The following CFAP43 variants were observed in gnomAD, a reference collection of about 807,000 sequenced individuals.
The protein encoded by CFAP43 is cilia and flagella associated protein 43.
CFAP43 carries 155 observed loss-of-function variants against 218.9 expected under a neutral mutation model. The ratio of observed to expected loss-of-function variants is 0.71; its 90% CI spans 0.62 to 0.81. The LOEUF (loss-of-function observed/expected upper bound fraction) is 0.81. CFAP43 is among the 30% of genes least tolerant of loss of function. The pLI is 0.00. For missense variants in CFAP43, 1,778 were observed against 1,954.3 expected, an observed-to-expected ratio of 0.91 and a Z score of 1.70; for synonymous variants, 645 against 681.3, an observed-to-expected ratio of 0.95 and a Z score of 0.83.
chr10:104,160,903 A>T (rs10786785), intron 27 of CFAP43, 134 bp downstream of exon 27: 139,596 of 881,730 alleles, frequency 0.16, 11,768 homozygotes, highest in South Asian at 0.19. Context: ...TACTTCTCCA[A>T]ATTCTCTTGA....
intron 7 of CFAP43, 57 bp from the exon 8 acceptor site, chr10:104,203,860 T>C (rs1455258416): frequency 6.8e-7 from 1 of 1,470,040 alleles, no homozygotes; most frequent in African/African-American, 1.4e-5. Context: ...ATAGTATACT[T>C]GCCTCATCAG....
rs74154749 is a variant in CFAP43, at chr10:104,179,330, T to C, written c.2383-224A>G. 6.3e-3 allele frequency among the ~76,000 whole-genome samples: 965 copies of C among 152,214 alleles called. 11 individuals are homozygous for C. The highest frequency in any genetic ancestry group is 0.02 in the African/African-American group (839 of 41,518). On this transcript the variant is annotated intron_variant, in intron 18 of 37. Transcript: ENST00000357060. Reference sequence around the variant, plus strand: ...AAACTGATGTCAATTATATGGCCAATGGAAAGAAAATAATGAAGCAGTGAA... The same window carrying C: ...AAACTGATGTCAATTATATGGCCAACGGAAAGAAAATAATGAAGCAGTGAA...
chr10:104,134,796 A>G (rs1010323439), intron 34 of CFAP43, among the ~76,000 whole-genome samples: 1 of 152,208 alleles, frequency 6.6e-6, no homozygotes, highest in African/African-American at 2.4e-5. Context: ...AATTCTATCA[A>G]ACATTTAAAG....
intron 23 of CFAP43, 103 bp from the exon 24 acceptor site, chr10:104,164,403 T>C (rs2134822010): frequency 1.0e-6 from 1 of 987,474 alleles, no homozygotes; most frequent in East Asian, 2.7e-5. Context: ...CCACAAATTT[T>C]TTTTTTTTTT....
Position 104,192,318 on chromosome 10 carries a change from T to A in CFAP43, c.1443-16A>T, listed in dbSNP as rs552934951. On this transcript the variant is annotated splice_polypyrimidine_tract_variant and intron_variant, in intron 11 of 37. Coordinates refer to ENST00000357060, the MANE Select transcript of CFAP43 (RefSeq NM_025145.7). ...CTGATCATAACTAGAAAAGAAGAAA[T>A]CTGATGATCAAATCCCAATTGTTTC... 1.3e-6 allele frequency: 2 copies of A among 1,577,614 alleles called. No homozygotes were observed. Among genetic ancestry groups the A allele is most frequent in the Admixed American group, 3.3e-5 (2 of 59,796 alleles).
intron 3 of CFAP43, 120 bp from the exon 4 acceptor site, chr10:104,214,546 C>G: frequency 1.1e-6 from 1 of 872,322 alleles, no homozygotes; most frequent in Non-Finnish European, 1.7e-6. Context: ...TTTATATAAT[C>G]AATGACCTTA....
At chr10:104,168,233 T>C (rs760321216) in intron 21 of CFAP43, among the ~76,000 whole-genome samples, 13 of 152,178 alleles carry the variant, frequency 8.5e-5, no homozygotes, top group Non-Finnish European at 1.5e-4. Context: ...GTATACTTCA[T>C]TGTCCACATT....
At chr10:104,188,683 T>C (rs2090112011) in intron 12 of CFAP43, among the ~76,000 whole-genome samples, 1 of 151,962 alleles carries the variant, frequency 6.6e-6, no homozygotes, top group African/African-American at 2.4e-5. Flanking sequence ...GGCCCCAGAG[T>C]GCACCATCTC....
intron 7 of CFAP43, among the ~76,000 whole-genome samples, chr10:104,204,162 A>G (rs1159072511): frequency 6.6e-6 from 1 of 152,148 alleles, no homozygotes; most frequent in Non-Finnish European, 1.5e-5. Context: ...TCTTTCCTTC[A>G]AAGGACACTA....
chr10:104,226,108 C>T (rs373957615), intron 2 of CFAP43, among the ~76,000 whole-genome samples: 36 of 152,142 alleles, frequency 2.4e-4, no homozygotes, highest in Non-Finnish European at 4.7e-4. Flanking sequence ...TTTTAAAATG[C>T]GTATCATGGG....
chr10:104,206,861 G>C (rs867090907), intron 6 of CFAP43, among the ~76,000 whole-genome samples: 1 of 152,130 alleles, frequency 6.6e-6, no homozygotes, highest in African/African-American at 2.4e-5. Context: ...GAATAGATCA[G>C]GTTATCTTTC....
chr10:104,193,800 G>A, intron 11 of CFAP43, 66 bp downstream of exon 11: 1 of 1,537,320 alleles, frequency 6.5e-7, no homozygotes, highest in South Asian at 1.2e-5. Context: ...AGAAAGGATG[G>A]CTTCACTAGA....
intron 7 of CFAP43, among the ~76,000 whole-genome samples, chr10:104,205,090 G>A (rs541313367): frequency 1.3e-3 from 202 of 151,954 alleles, no homozygotes; most frequent in African/African-American, 4.7e-3. Flanking sequence ...GTGTGCACCT[G>A]TAGTCCCAGC....
At chr10:104,196,778 G>A in intron 10 of CFAP43, 75 bp downstream of exon 10, 1 of 1,240,730 alleles carries the variant, frequency 8.1e-7, no homozygotes, top group East Asian at 2.4e-5. Context: ...ACAGACTATT[G>A]ACATGTGAAT....
At position 104,146,397 on chromosome 10, in the gene CFAP43, A is replaced by G. The variant is rs774626863; in HGVS notation, c.3769-48T>C. On this transcript the variant is annotated intron_variant, in intron 29 of 37. Transcript: ENST00000357060. ...TGATTGAAACTGGAGACTTTCCAGCATAAACAAAAATATTGGGGATACTAA... is the reference window on the plus strand; with the variant it reads ...TGATTGAAACTGGAGACTTTCCAGCGTAAACAAAAATATTGGGGATACTAA... 4.2e-6 allele frequency: 6 copies of G among 1,414,954 alleles called. No homozygotes were observed. In the South Asian group the frequency reaches 7.0e-5, roughly 16 times the overall value. 87.6% of individuals were successfully genotyped at this position (1,414,954 alleles called of 1,614,324 possible).
At chr10:104,176,471 C>T (rs933117825) in intron 19 of CFAP43, among the ~76,000 whole-genome samples, 4 of 152,050 alleles carry the variant, frequency 2.6e-5, no homozygotes, top group African/African-American at 9.7e-5. Context: ...TTTTAAAATT[C>T]TGCTTTATAA....
At chr10:104,149,206 T>G (rs1383425248) in intron 28 of CFAP43, among the ~76,000 whole-genome samples, 2 of 152,188 alleles carry the variant, frequency 1.3e-5, no homozygotes, top group Non-Finnish European at 2.9e-5. Flanking sequence ...CTAAATTTGA[T>G]CCTTTTAACA....
rs112623667 is a variant in CFAP43 at position 104,188,262 on chromosome 10, T to C, written c.1687+8A>G. Reference sequence around the variant, plus strand: ...AGGAGCAGAACTGGCTGCTTATGTTTTCCTTACCTTGTGGCAGTAATGTAG... The same window carrying C: ...AGGAGCAGAACTGGCTGCTTATGTTCTCCTTACCTTGTGGCAGTAATGTAG... On this transcript the variant is annotated splice_region_variant and intron_variant, in intron 13 of 37. Coordinates refer to ENST00000357060, the MANE Select transcript of CFAP43 (RefSeq NM_025145.7). 10 of 1,613,270 alleles carry C rather than the reference T, an allele frequency of 6.2e-6. No homozygotes were observed. Among genetic ancestry groups the C allele is most frequent in the African/African-American group, 4.0e-5 (3 of 75,044 alleles).
intron 5 of CFAP43, 31 bp from the exon 6 acceptor site, chr10:104,207,855 G>A (rs747031695): frequency 6.3e-7 from 1 of 1,582,606 alleles, no homozygotes; most frequent in Non-Finnish European, 8.6e-7. Flanking sequence ...CTTGTGTTAA[G>A]AAAACAATCA....
Sources: allele counts gnomAD v4.1 joint callset (sites outside exome capture counted in the v4.1 genomes callset), GRCh38; gene constraint gnomAD v4.1.1; transcripts MANE v1.5; gene names NCBI Gene and HGNC (gene_info 2026-07-23, HGNC 2026-07-21).